TENM2: variants seen among roughly 807,000 people sequenced by gnomAD.
TENM2 encodes teneurin-2.
TENM2 carries 52 observed loss-of-function variants against 245.2 expected under a neutral mutation model. That is an observed-to-expected ratio of 0.21 (90% CI 0.17 to 0.27). The LOEUF (loss-of-function observed/expected upper bound fraction) is 0.27, where lower values mean the gene tolerates loss of function less well. Among genes scored for constraint, TENM2 ranks in the 10% least tolerant of loss-of-function variants. The probability of loss-of-function intolerance (pLI) is 1.00; values close to 1 mark genes in which losing one functional copy is unlikely to be tolerated. For synonymous variants in TENM2, 1,363 were observed against 1,438.9 expected, an observed-to-expected ratio of 0.95 and a Z score of 1.19; for missense variants, 3,046 against 3,666.8, an observed-to-expected ratio of 0.83 and a Z score of 4.37.
chr5:167,296,979 A>G (rs545641505), intron 1 of TENM2, among the ~76,000 whole-genome samples: 6 of 152,338 alleles, frequency 3.9e-5, no homozygotes, highest in African/African-American at 1.4e-4. Flanking sequence ...AAAAGTCTGC[A>G]TGTCCTAGTC....
At chr5:167,451,556 A>G (rs531488162) in intron 2 of TENM2, among the ~76,000 whole-genome samples, 1 of 152,170 alleles carries the variant, frequency 6.6e-6, no homozygotes, top group South Asian at 2.1e-4. Context: ...TTGTCATGCT[A>G]TTCCCCTTTA....
the TENM2 span, among the ~76,000 whole-genome samples, chr5:167,107,675 TCA>T: frequency 4.6e-5 from 7 of 152,318 alleles, no homozygotes; most frequent in South Asian, 6.2e-4. Context: ...ATAAATTATC[TCA>T]GTTAAATCAA....
chr5:168,210,577 T>C (rs2152551221), intron 19 of TENM2, among the ~76,000 whole-genome samples: 1 of 151,690 alleles, frequency 6.6e-6, no homozygotes, highest in African/African-American at 2.4e-5. Context: ...ACTATGTCAG[T>C]CAGAGCTCAG....
intron 3 of TENM2, among the ~76,000 whole-genome samples, chr5:167,950,358 G>T (rs1779985872): frequency 1.3e-5 from 2 of 152,318 alleles, no homozygotes; most frequent in African/African-American, 4.8e-5. Context: ...TTAGCTCAGA[G>T]TGAATACACA....
At chr5:167,014,018 C>T in the TENM2 span, among the ~76,000 whole-genome samples, 1 of 152,122 alleles carries the variant, frequency 6.6e-6, no homozygotes. Context: ...ATTATCTTGT[C>T]ATCACCTAAA....
intron 3 of TENM2, among the ~76,000 whole-genome samples, chr5:167,925,451 G>A (rs1012682902): frequency 6.6e-6 from 1 of 152,172 alleles, no homozygotes; most frequent in African/African-American, 2.4e-5. Flanking sequence ...ATAGTTACAT[G>A]GGTATATGTA....
At chr5:167,069,199 G>T in the TENM2 span, among the ~76,000 whole-genome samples, 2 of 152,082 alleles carry the variant, frequency 1.3e-5, no homozygotes, top group Non-Finnish European at 2.9e-5. Flanking sequence ...TAAGGGAGCT[G>T]GTAGTTTGAA....
At chr5:166,998,922 G>A in the TENM2 span, among the ~76,000 whole-genome samples, 2 of 151,760 alleles carry the variant, frequency 1.3e-5, no homozygotes, top group African/African-American at 4.8e-5. Context: ...GAGGGGGTGA[G>A]GTTGTGAAGA....
the TENM2 span, among the ~76,000 whole-genome samples, chr5:167,248,763 A>G: frequency 6.8e-6 from 1 of 146,622 alleles, no homozygotes; most frequent in Non-Finnish European, 1.5e-5. Flanking sequence ...AAAGAAATTC[A>G]AAAGCCATAT....
chr5:168,019,549 A>G (rs1251823107), intron 5 of TENM2, among the ~76,000 whole-genome samples: 1 of 152,230 alleles, frequency 6.6e-6, no homozygotes, highest in African/African-American at 2.4e-5. Flanking sequence ...CATCAGGCAT[A>G]ATTCAGTCCA....
the TENM2 span, among the ~76,000 whole-genome samples, chr5:167,267,170 T>C: frequency 6.6e-6 from 1 of 152,192 alleles, no homozygotes; most frequent in African/African-American, 2.4e-5. Flanking sequence ...TCTGTGCCCT[T>C]CTTTTGTTTG....
chr5:167,047,924 T>TAG, the TENM2 span, among the ~76,000 whole-genome samples: 1 of 149,684 alleles, frequency 6.7e-6, no homozygotes, highest in Admixed American at 6.7e-5. Flanking sequence ...GCTTCATCAC[T>TAG]AGAGAGAGAC....
chr5:167,156,502 A>T, the TENM2 span, among the ~76,000 whole-genome samples: 1 of 152,144 alleles, frequency 6.6e-6, no homozygotes, highest in East Asian at 1.9e-4. Context: ...GAAAGCTGGG[A>T]AAGTTTTCTT....
At chr5:167,221,170 C>T in the TENM2 span, among the ~76,000 whole-genome samples, 2 of 151,994 alleles carry the variant, frequency 1.3e-5, no homozygotes, top group Non-Finnish European at 2.9e-5. Context: ...AGCCGTGATG[C>T]CGATGGATAT....
At chr5:168,222,389 T>C (rs1451720702) in intron 23 of TENM2, among the ~76,000 whole-genome samples, 1 of 152,182 alleles carries the variant, frequency 6.6e-6, no homozygotes, top group African/African-American at 2.4e-5. Flanking sequence ...TCTTTAGTCA[T>C]GTTCAACTCC....
At chr5:167,185,153 C>T in the TENM2 span, among the ~76,000 whole-genome samples, 1 of 152,136 alleles carries the variant, frequency 6.6e-6, no homozygotes, top group Non-Finnish European at 1.5e-5. Context: ...CCTACTGTTT[C>T]TGTTTCTCTG....
the TENM2 span, among the ~76,000 whole-genome samples, chr5:167,184,589 C>A: frequency 6.6e-6 from 1 of 152,212 alleles, no homozygotes; most frequent in Admixed American, 6.5e-5. Flanking sequence ...ACAAGCCTGA[C>A]CCTTATGTGT....
At chr5:167,618,928 G>A (rs1026686040) in intron 2 of TENM2, among the ~76,000 whole-genome samples, 4 of 152,134 alleles carry the variant, frequency 2.6e-5, no homozygotes, top group African/African-American at 9.7e-5. Flanking sequence ...TCAGGTAAAT[G>A]AGTGAAGAAG....
chr5:167,228,769 A>G, the TENM2 span, among the ~76,000 whole-genome samples: 7 of 151,818 alleles, frequency 4.6e-5, 1 homozygote, highest in East Asian at 3.9e-4. Context: ...CAGTGGCGCA[A>G]TCTCGGCTCA....
Sources: allele counts gnomAD v4.1 joint callset (sites outside exome capture counted in the v4.1 genomes callset), GRCh38; gene constraint gnomAD v4.1.1; transcripts MANE v1.5; gene names NCBI Gene and HGNC (gene_info 2026-07-23, HGNC 2026-07-21).